INSR: variants seen among roughly 807,000 people sequenced by gnomAD.
The protein encoded by INSR is IR.
In INSR, 67 loss-of-function variants were observed where a neutral mutation model predicts 142.6. That is an observed-to-expected ratio of 0.47 (90% CI 0.39 to 0.58). INSR has a LOEUF of 0.58. Ranked by LOEUF, INSR falls within the 20% of genes least tolerant of loss-of-function variation. INSR has a pLI of 0.00. For missense variants in INSR, 1,248 were observed against 1,833.2 expected (o/e 0.68, Z 5.83); for synonymous variants, 756 against 743.1 (o/e 1.02, Z -0.28).
intron 1 of INSR, among the ~76,000 whole-genome samples, chr19:7,289,318 G>A (rs1194504208): frequency 6.6e-6 from 1 of 151,980 alleles, no homozygotes; most frequent in African/African-American, 2.4e-5. Flanking sequence ...GAGGCTGGAG[G>A]TCAGTGGTAG....
intron 1 of INSR, among the ~76,000 whole-genome samples, chr19:7,280,991 C>T (rs962978872): frequency 2.6e-5 from 4 of 152,132 alleles, no homozygotes; most frequent in Non-Finnish European, 4.4e-5. Flanking sequence ...CACAGCCACC[C>T]GGACACCAAC....
rs1447726047 is a variant in INSR at position 7,225,052 on chromosome 19, G to C, written c.653-40415C>G. On this transcript the variant is annotated intron_variant, in intron 2 of 21. Transcript: ENST00000302850. This position sits in a 1 kb window ranked among gnomAD's most constrained non-coding sequence, Gnocchi z 4.7. ...GCAGCAGCAAAGAGGAGAGAGGAGGGGAGAGGGGAGGTTGTGGCCACATGC... is the reference window on the plus strand; with the variant it reads ...GCAGCAGCAAAGAGGAGAGAGGAGGCGAGAGGGGAGGTTGTGGCCACATGC... 5.9e-5 allele frequency among the ~76,000 whole-genome samples: 9 copies of C among 151,998 alleles called. No individual in the cohort carries two copies. The highest frequency in any genetic ancestry group is 2.9e-5 in the Non-Finnish European group (2 of 68,002).
rs185404358 is a variant in INSR, at chr19:7,138,154, C to A, written c.2682+3523G>T. 7.5e-3 allele frequency among the ~76,000 whole-genome samples: 1,137 copies of A among 151,304 alleles called. 29 individuals carry two copies. In the East Asian group the frequency reaches 0.076, roughly 10 times the overall value. On this transcript the variant is annotated intron_variant, in intron 13 of 21. Coordinates refer to ENST00000302850, the MANE Select transcript of INSR (RefSeq NM_000208.4). ...AATTTTTTTGTATTTTTAGTAGAGACGGGGTTTCACCGTGTTAGCCAGGAT... is the reference window on the plus strand; with the variant it reads ...AATTTTTTTGTATTTTTAGTAGAGAAGGGGTTTCACCGTGTTAGCCAGGAT...
intron 2 of INSR, among the ~76,000 whole-genome samples, chr19:7,207,012 C>T (rs1177249281): frequency 6.6e-6 from 1 of 152,116 alleles, no homozygotes; most frequent in East Asian, 1.9e-4. Context: ...CCTAAGGAAA[C>T]CATAATTTGA....
In INSR at chr19:7,227,439, A is replaced by G. The variant is rs1463596358; in HGVS notation, c.652+39906T>C. ...AGGCATGCACTACCACACCTGGTTA[A>G]TTTTTGTATTTTTTGTAGAGATGGG... On this transcript the variant is annotated intron_variant, in intron 2 of 21. Coordinates refer to ENST00000302850, the MANE Select transcript of INSR (RefSeq NM_000208.4). 3.3e-5 allele frequency among the ~76,000 whole-genome samples: 5 copies of G among 151,970 alleles called. No individual in the cohort carries two copies. The East Asian group carries it at 9.6e-4, about 29-fold the overall frequency.
chr19:7,282,842 G>C (rs1018411570), intron 1 of INSR, among the ~76,000 whole-genome samples: 8 of 137,226 alleles, frequency 5.8e-5, no homozygotes, highest in Non-Finnish European at 1.3e-4. Flanking sequence ...GGGCAGTGGC[G>C]GGCGCCTGTA....
intron 2 of INSR, among the ~76,000 whole-genome samples, chr19:7,254,389 C>T (rs1003903985): frequency 6.6e-6 from 1 of 151,906 alleles, no homozygotes; most frequent in African/African-American, 2.4e-5. Flanking sequence ...ATTAGCTGGG[C>T]GTGGTGGCAT....
chr19:7,186,334 A>G (rs1338820820), intron 2 of INSR, among the ~76,000 whole-genome samples: 1 of 152,194 alleles, frequency 6.6e-6, no homozygotes, highest in Non-Finnish European at 1.5e-5. Flanking sequence ...CAGAAGCTAC[A>G]TCCATATATG....
intron 2 of INSR, among the ~76,000 whole-genome samples, chr19:7,246,714 C>G (rs922726766): frequency 1.3e-5 from 2 of 152,112 alleles, no homozygotes; most frequent in Non-Finnish European, 2.9e-5. Flanking sequence ...TGGTTTGTTA[C>G]ACAGCAAAAC....
chr19:7,228,203 C>T (rs1054051872), intron 2 of INSR, among the ~76,000 whole-genome samples: 6 of 152,126 alleles, frequency 3.9e-5, no homozygotes, highest in Non-Finnish European at 1.5e-5. Flanking sequence ...GAAGACCTGC[C>T]CTAAAATGAA....
intron 3 of INSR, among the ~76,000 whole-genome samples, chr19:7,177,501 T>A (rs1974160663): frequency 6.6e-6 from 1 of 151,902 alleles, no homozygotes; most frequent in African/African-American, 2.4e-5. Flanking sequence ...TAATCTTGGT[T>A]AAGTCAATGG....
In INSR at chr19:7,267,937, A is replaced by T. The variant is rs760435639; in HGVS notation, c.101-41T>A. On this transcript the variant is annotated intron_variant, in intron 1 of 21. Coordinates refer to ENST00000302850, the MANE Select transcript of INSR (RefSeq NM_000208.4). This position sits in a 1 kb window ranked among gnomAD's most constrained non-coding sequence, Gnocchi z 6.3. ...AACAGAAAGCAAGACAGGTGAGCAG[A>T]CGCACGGTGGATGCATCAGAAGGAT... is the stretch of plus-strand genomic sequence containing the variant. 4.5e-6 allele frequency: 7 copies of T among 1,540,642 alleles called. No individual in the cohort carries two copies. In the South Asian group the frequency reaches 8.0e-5, roughly 18 times the overall value.
intron 2 of INSR, among the ~76,000 whole-genome samples, chr19:7,232,002 C>T (rs946199456): frequency 1.3e-5 from 2 of 152,010 alleles, no homozygotes; most frequent in African/African-American, 2.4e-5. Context: ...TTTCTCTACC[C>T]GCTTCTTCAA....
In INSR at chr19:7,255,536, CTCTTTCTT is replaced by C. The variant is rs763829278; in HGVS notation, c.652+11801_652+11808del. 4.2e-5 allele frequency among the ~76,000 whole-genome samples: 5 copies of C among 120,008 alleles called. No homozygotes were observed. In the South Asian group the frequency reaches 1.2e-3, roughly 28 times the overall value. The allele number at this position is 120,008 out of a possible 152,430, so 78.7% of individuals were successfully genotyped here. On this transcript the variant is annotated intron_variant, in intron 2 of 21. Coordinates refer to ENST00000302850, the MANE Select transcript of INSR (RefSeq NM_000208.4). Reference sequence around the variant, plus strand: ...TTTTTTTTTTCTTGTCTTGTCTTTTCTCTTTCTTTCTTTCTTTCTTTCCTTCCTTCCTT... The same window carrying C: ...TTTTTTTTTTCTTGTCTTGTCTTTTCTCTTTCTTTCTTTCCTTCCTTCCTT...
At chr19:7,233,579 C>T (rs1976060470) in intron 2 of INSR, among the ~76,000 whole-genome samples, 1 of 151,910 alleles carries the variant, frequency 6.6e-6, no homozygotes, top group Non-Finnish European at 1.5e-5. Context: ...CTACCCTGCA[C>T]ATCCTATGCC....
At chr19:7,276,251 T>C (rs1461087780) in intron 1 of INSR, among the ~76,000 whole-genome samples, 3 of 151,886 alleles carry the variant, frequency 2.0e-5, no homozygotes, top group African/African-American at 7.3e-5. Flanking sequence ...GCTCAAGTGA[T>C]CCTCCTGCCT....
chr19:7,143,378 G>C (rs1390643820), intron 11 of INSR, among the ~76,000 whole-genome samples: 2 of 152,096 alleles, frequency 1.3e-5, no homozygotes, highest in Admixed American at 6.6e-5. Context: ...CGACATGCTC[G>C]ATTTCAGGTT....
chr19:7,118,750 CAA>C (rs35928600), intron 21 of INSR, among the ~76,000 whole-genome samples: 4 of 129,222 alleles, frequency 3.1e-5, no homozygotes, highest in Admixed American at 8.0e-5. Context: ...ACTAAAAATA[CAA>C]AAAAAAAAAA....
chr19:7,186,759 C>T (rs924177613), intron 2 of INSR, among the ~76,000 whole-genome samples: 3 of 151,948 alleles, frequency 2.0e-5, no homozygotes, highest in African/African-American at 4.8e-5. Context: ...GGCTGGGGTG[C>T]AGTGGCGCGA....
Sources: allele counts gnomAD v4.1 joint callset (sites outside exome capture counted in the v4.1 genomes callset), GRCh38; gene constraint gnomAD v4.1.1; non-coding constraint Gnocchi (gnomAD v3.1); transcripts MANE v1.5; gene names NCBI Gene and HGNC (gene_info 2026-07-23, HGNC 2026-07-21).